The following PDE5A variants were observed in gnomAD, a reference collection of about 807,000 sequenced individuals.
PDE5A encodes cGMP-specific 3',5'-cyclic phosphodiesterase.
In PDE5A, 67 loss-of-function variants were observed where a neutral mutation model predicts 110.2. The observed-to-expected ratio is 0.61, with a 90% CI of 0.50 to 0.75. PDE5A has a LOEUF of 0.75. PDE5A is among the 30% of genes least tolerant of loss of function. PDE5A has a pLI of 0.00. For synonymous variants in PDE5A, 328 were observed against 351.2 expected (o/e 0.93, Z 0.74); for missense variants, 862 against 1,045.1 (o/e 0.82, Z 2.42).
chr4:119,580,656 C>G (rs1215056677), intron 3 of PDE5A, among the ~76,000 whole-genome samples: 1 of 152,178 alleles, frequency 6.6e-6, no homozygotes, highest in East Asian at 1.9e-4. Context: ...TGAAACTTTA[C>G]AAACCAGTCG....
At chr4:119,502,444 C>T in intron 19 of PDE5A, 137 bp downstream of exon 19, 1 of 554,096 alleles carries the variant, frequency 1.8e-6, no homozygotes, top group East Asian at 3.0e-5. Flanking sequence ...TATAATTCTT[C>T]CAATGAGAAA....
At chr4:119,509,283 G>T (rs1231888635) in intron 15 of PDE5A, among the ~76,000 whole-genome samples, 1 of 152,040 alleles carries the variant, frequency 6.6e-6, no homozygotes, top group Admixed American at 6.6e-5. Context: ...AGGTCTGGAG[G>T]CTGCTTCTGA....
chr4:119,601,129 C>T (rs561739531), intron 2 of PDE5A, among the ~76,000 whole-genome samples: 233 of 152,268 alleles, frequency 1.5e-3, no homozygotes, highest in Admixed American at 3.5e-3. Flanking sequence ...AAGCCCTTTT[C>T]AACCATACCC....
intron 1 of PDE5A, among the ~76,000 whole-genome samples, chr4:119,622,597 G>C (rs1211172243): frequency 6.6e-6 from 1 of 151,910 alleles, no homozygotes; most frequent in Admixed American, 6.6e-5. Flanking sequence ...TTAAAGGCCG[G>C]GTGCGGTGGC....
intron 10 of PDE5A, among the ~76,000 whole-genome samples, chr4:119,539,271 C>T (rs1017691638): frequency 2.0e-5 from 3 of 151,804 alleles, no homozygotes; most frequent in African/African-American, 7.3e-5. Flanking sequence ...GACATTATTG[C>T]TATAACAAAC....
intron 1 of PDE5A, among the ~76,000 whole-genome samples, chr4:119,621,198 T>TA (rs1354344400): frequency 1.3e-5 from 2 of 152,234 alleles, no homozygotes; most frequent in Non-Finnish European, 2.9e-5. Flanking sequence ...AAGTCAACAC[T>TA]AGTTATGGTA....
At chr4:119,528,902 ATGT>A (rs542622629) in intron 11 of PDE5A, 4 of 151,982 alleles carry the variant, frequency 2.6e-5, no homozygotes, top group Non-Finnish European at 5.9e-5. Context: ...AGTTAAGATT[ATGT>A]TGTATTTTTC....
intron 3 of PDE5A, among the ~76,000 whole-genome samples, chr4:119,587,029 G>A (rs960560909): frequency 6.6e-6 from 1 of 152,046 alleles, no homozygotes; most frequent in Admixed American, 6.6e-5. Context: ...TCTTCTTTTA[G>A]GAAAGCAGTT....
intron 3 of PDE5A, among the ~76,000 whole-genome samples, chr4:119,590,918 A>G (rs1045715778): frequency 1.3e-5 from 2 of 152,250 alleles, no homozygotes; most frequent in African/African-American, 4.8e-5. Flanking sequence ...TAAACAATCA[A>G]TATTTAATGA....
At chr4:119,516,940 C>T (rs1374148951) in intron 14 of PDE5A, 1 of 152,178 alleles carries the variant, frequency 6.6e-6, no homozygotes, top group South Asian at 2.1e-4. Flanking sequence ...CTTGATTCAC[C>T]CAAGTGGGAG....
At chr4:119,537,855 T>C (rs1726781519) in intron 11 of PDE5A, among the ~76,000 whole-genome samples, 1 of 152,012 alleles carries the variant, frequency 6.6e-6, no homozygotes, top group Admixed American at 6.6e-5. Flanking sequence ...GAAATGAATA[T>C]AGACTATTCA....
chr4:119,558,896 G>A (rs578114962), intron 7 of PDE5A, among the ~76,000 whole-genome samples: 2 of 113,702 alleles, frequency 1.8e-5, no homozygotes, highest in African/African-American at 7.0e-5. Flanking sequence ...CAGCCTGGGC[G>A]ACAGAGCGAG....
At position 119,606,981 on chromosome 4, in the gene PDE5A, T is replaced by A; in HGVS notation, c.469A>T (p.Lys157Ter). The change falls in exon 2 of 21, where the codon AAG (lysine) becomes TAG (stop). Residue 157 changes from lysine to a stop codon, truncating the protein, a stop_gained. Coordinates refer to ENST00000354960, the MANE Select transcript of PDE5A (RefSeq NM_001083.4). LOFTEE classifies it high-confidence loss of function. Reference sequence around the variant, plus strand: ...ACATCCAAATGACTAGAAATATCCTTCACTAATTCCAAGAGTCTTGAGCAC... The same window carrying A: ...ACATCCAAATGACTAGAAATATCCTACACTAATTCCAAGAGTCTTGAGCAC... ...DQCSRLLELV[K>*]DISSHLDVTA... 1 of 1,614,162 alleles carries A rather than the reference T, an allele frequency of 6.2e-7. No individual in the cohort carries two copies. Among genetic ancestry groups the A allele is most frequent in the Non-Finnish European group, 8.5e-7 (1 of 1,180,028 alleles).
At chr4:119,587,043 A>G (rs1189132136) in intron 3 of PDE5A, among the ~76,000 whole-genome samples, 4 of 152,208 alleles carry the variant, frequency 2.6e-5, no homozygotes, top group Non-Finnish European at 5.9e-5. Flanking sequence ...AGCAGTTAAC[A>G]TCTTCATAAT....
intron 3 of PDE5A, among the ~76,000 whole-genome samples, chr4:119,587,937 C>A (rs975960032): frequency 6.6e-6 from 1 of 152,222 alleles, no homozygotes; most frequent in Admixed American, 6.5e-5. Context: ...GGCCTCCACA[C>A]TCCATGGAGA....
chr4:119,601,845 A>G (rs1256875959), intron 2 of PDE5A, among the ~76,000 whole-genome samples: 1 of 152,166 alleles, frequency 6.6e-6, no homozygotes, highest in Non-Finnish European at 1.5e-5. Flanking sequence ...CATATATGGT[A>G]TTCCAGCTAA....
chr4:119,595,401 A>G (rs898241510), intron 3 of PDE5A, among the ~76,000 whole-genome samples: 3 of 152,232 alleles, frequency 2.0e-5, no homozygotes, highest in Admixed American at 6.5e-5. Flanking sequence ...TGCTATACCC[A>G]GATAACTGGT....
chr4:119,619,664 C>T (rs1730073592), intron 1 of PDE5A, among the ~76,000 whole-genome samples: 1 of 152,186 alleles, frequency 6.6e-6, no homozygotes, highest in Non-Finnish European at 1.5e-5. Flanking sequence ...AAATGCCTAT[C>T]AAAGTTTGTG....
intron 17 of PDE5A, 32 bp from the exon 18 acceptor site, chr4:119,504,631 A>G (rs1725494446): frequency 6.3e-7 from 1 of 1,583,560 alleles, no homozygotes; most frequent in Non-Finnish European, 8.7e-7. Context: ...CAAAACTCCT[A>G]TTTACTTTTG....
Sources: allele counts gnomAD v4.1 joint callset (sites outside exome capture counted in the v4.1 genomes callset), GRCh38; gene constraint gnomAD v4.1.1; transcripts MANE v1.5; gene names NCBI Gene and HGNC (gene_info 2026-07-23, HGNC 2026-07-21).